The following EYA4 variants were observed in gnomAD, a reference collection of about 807,000 sequenced individuals.
The protein encoded by EYA4 is EYA transcriptional coactivator and phosphatase 4, also known as protein phosphatase EYA4.
Under a neutral mutation model 87.9 loss-of-function variants are expected in EYA4, and 31 were observed. That is an observed-to-expected ratio of 0.35 (90% CI 0.27 to 0.48). The LOEUF is 0.48. Among genes scored for constraint, EYA4 ranks in the 20% least tolerant of loss-of-function variants. EYA4 has a pLI of 0.99. For synonymous variants in EYA4, 263 were observed against 270.6 expected, an observed-to-expected ratio of 0.97 and a Z score of 0.28; for missense variants, 678 against 761.4, an observed-to-expected ratio of 0.89 and a Z score of 1.29.
At chr6:133,305,968 A>G (rs1445903440) in intron 2 of EYA4, among the ~76,000 whole-genome samples, 3 of 135,256 alleles carry the variant, frequency 2.2e-5, no homozygotes, top group South Asian at 5.3e-4. Context: ...ATGATTATCT[A>G]TGTGCTTAAT....
chr6:133,241,146 T>C (rs1773907400), upstream of EYA4, among the ~76,000 whole-genome samples: 1 of 151,686 alleles, frequency 6.6e-6, no homozygotes, highest in South Asian at 2.1e-4. Flanking sequence ...TCGCAAACCA[T>C]GACAATAGGC....
At chr6:133,526,012 A>G in intron 19 of EYA4, 1 of 586,914 alleles carries the variant, frequency 1.7e-6, no homozygotes, top group Non-Finnish European at 2.1e-6. Flanking sequence ...ATGGGCCCTA[A>G]GTATTTTAAT....
At chr6:133,332,019 G>A (rs914183654) in intron 2 of EYA4, among the ~76,000 whole-genome samples, 12 of 152,280 alleles carry the variant, frequency 7.9e-5, no homozygotes, top group South Asian at 2.1e-4. Flanking sequence ...ATAAGGAGAC[G>A]GCAAATCAGT....
At chr6:133,336,164 A>C (rs1232003919) in intron 2 of EYA4, among the ~76,000 whole-genome samples, 2 of 152,186 alleles carry the variant, frequency 1.3e-5, no homozygotes, top group African/African-American at 4.8e-5. Context: ...TGTCATTAAC[A>C]GATGCTAAAA....
At chr6:133,411,179 C>A (rs1020237564) in intron 3 of EYA4, among the ~76,000 whole-genome samples, 2 of 152,170 alleles carry the variant, frequency 1.3e-5, no homozygotes, top group African/African-American at 2.4e-5. Context: ...TGAGGACTTA[C>A]TATTTTTTTG....
At chr6:133,438,244 A>G (rs1791892813) in intron 3 of EYA4, among the ~76,000 whole-genome samples, 4 of 151,970 alleles carry the variant, frequency 2.6e-5, no homozygotes, top group Admixed American at 1.3e-4. Flanking sequence ...TATCTAGATA[A>G]TTGCATTTCG....
At chr6:133,495,616 A>T (rs1562487351) in intron 13 of EYA4, among the ~76,000 whole-genome samples, 1 of 152,084 alleles carries the variant, frequency 6.6e-6, no homozygotes, top group South Asian at 2.1e-4. Context: ...TATGCAGAGA[A>T]TAGAATTTAG....
chr6:133,362,987 G>A (rs569014203), intron 2 of EYA4, among the ~76,000 whole-genome samples: 1 of 152,302 alleles, frequency 6.6e-6, no homozygotes, highest in Admixed American at 6.5e-5. Context: ...AACTTTTATG[G>A]CTCTGTGAGA....
At chr6:133,412,408 A>G (rs997882760) in intron 3 of EYA4, among the ~76,000 whole-genome samples, 13 of 152,162 alleles carry the variant, frequency 8.5e-5, no homozygotes, top group Admixed American at 2.6e-4. Flanking sequence ...CAATTCCCAG[A>G]ATCCTCCCTC....
At chr6:133,276,872 T>A (rs552241849) in intron 2 of EYA4, among the ~76,000 whole-genome samples, 2 of 149,936 alleles carry the variant, frequency 1.3e-5, no homozygotes, top group South Asian at 4.3e-4. Context: ...GCCTTTGGGT[T>A]ATGCATATTG....
At chr6:133,380,094 T>C (rs1053043972) in intron 2 of EYA4, among the ~76,000 whole-genome samples, 2 of 152,330 alleles carry the variant, frequency 1.3e-5, no homozygotes, top group Non-Finnish European at 2.9e-5. Context: ...GCTAAGTTAA[T>C]TTGTTCTATG....
At chr6:133,348,815 C>A (rs1783418259) in intron 2 of EYA4, among the ~76,000 whole-genome samples, 1 of 152,130 alleles carries the variant, frequency 6.6e-6, no homozygotes, top group Admixed American at 6.5e-5. Context: ...ATTGCAGTAG[C>A]CTTCTAACTT....
At chr6:133,333,575 T>G (rs1453797965) in intron 2 of EYA4, among the ~76,000 whole-genome samples, 3 of 152,218 alleles carry the variant, frequency 2.0e-5, no homozygotes, top group Non-Finnish European at 2.9e-5. Flanking sequence ...TTTGCTTTCT[T>G]GAAGAAATTG....
intron 1 of EYA4, among the ~76,000 whole-genome samples, chr6:133,260,915 G>A (rs1017239306): frequency 6.6e-6 from 1 of 151,932 alleles, no homozygotes; most frequent in Admixed American, 6.6e-5. Context: ...CCTGCCCATC[G>A]CCATAAAAGA....
chr6:133,265,447 T>G (rs2128248460), intron 1 of EYA4, among the ~76,000 whole-genome samples: 1 of 152,290 alleles, frequency 6.6e-6, no homozygotes, highest in African/African-American at 2.4e-5. Flanking sequence ...TCTTATATCT[T>G]TATTATGAGG....
chr6:133,402,270 A>G (rs1409784361), intron 3 of EYA4, among the ~76,000 whole-genome samples: 1 of 152,122 alleles, frequency 6.6e-6, no homozygotes, highest in African/African-American at 2.4e-5. Context: ...AGGATTTCTA[A>G]TGGCAGTACT....
intron 2 of EYA4, among the ~76,000 whole-genome samples, chr6:133,286,815 G>A (rs915466286): frequency 6.6e-6 from 1 of 152,104 alleles, no homozygotes; most frequent in African/African-American, 2.4e-5. Context: ...ATGTTTCTAG[G>A]CACTTCAGGT....
intron 5 of EYA4, among the ~76,000 whole-genome samples, chr6:133,451,354 G>T (rs1793423319): frequency 6.6e-6 from 1 of 152,168 alleles, no homozygotes; most frequent in Non-Finnish European, 1.5e-5. Flanking sequence ...AGATCTATAT[G>T]TGTATACATA....
intron 2 of EYA4, among the ~76,000 whole-genome samples, chr6:133,316,542 A>G (rs1305360374): frequency 6.6e-6 from 1 of 152,196 alleles, no homozygotes; most frequent in Non-Finnish European, 1.5e-5. Context: ...GAAGCAATTA[A>G]TTGAAATTGA....
Sources: gnomAD v4.1 joint callset for allele counts (sites outside exome capture counted in the v4.1 genomes callset) on GRCh38, gnomAD v4.1.1 for gene constraint, MANE v1.5 for transcripts, NCBI Gene and HGNC (gene_info 2026-07-23, HGNC 2026-07-21) for gene names.